Variants in CHM observed in about 807,000 individuals in gnomAD.
The protein encoded by CHM is rab proteins geranylgeranyltransferase component A 1.
CHM carries 10 observed loss-of-function variants against 49.0 expected under a neutral mutation model. That is an observed-to-expected ratio of 0.20 (90% CI 0.13 to 0.35). The LOEUF (loss-of-function observed/expected upper bound fraction) is 0.35. Ranked by LOEUF, CHM falls within the 10% of genes least tolerant of loss-of-function variation. CHM has a pLI of 1.00. For missense variants in CHM, 455 were observed against 478.4 expected (o/e 0.95, Z 0.46); for synonymous variants, 184 against 167.5 (o/e 1.10, Z -0.76).
chrX:85,918,708 A>G (rs975066270), intron 8 of CHM, among the ~76,000 whole-genome samples: 16 of 112,337 alleles, frequency 1.4e-4, no homozygotes, highest in Non-Finnish European at 2.8e-4. Context: ...TTGGAAAAAG[A>G]TTCATCAAGC....
At chrX:85,981,206 C>CTA (rs1284378299) in intron 3 of CHM, among the ~76,000 whole-genome samples, 2 of 54,343 alleles carry the variant, frequency 3.7e-5, no homozygotes, top group East Asian at 4.0e-4. Context: ...ATTTCTATTT[C>CTA]TATATATATA....
At chrX:85,939,201 C>T (rs898088989) in intron 8 of CHM, among the ~76,000 whole-genome samples, 1 of 111,717 alleles carries the variant, frequency 9.0e-6, no homozygotes, top group East Asian at 2.8e-4. Context: ...TATGGAATCA[C>T]CTAATGATGC....
intron 4 of CHM, chrX:85,969,519 A>G (rs1930770195): frequency 2.2e-6 from 1 of 452,384 alleles, no homozygotes; most frequent in Admixed American, 9.1e-5. Flanking sequence ...GCAAATCAGT[A>G]CAGCCATTAT....
intron 5 of CHM, among the ~76,000 whole-genome samples, chrX:85,962,485 G>A (rs941597477): frequency 1.9e-4 from 21 of 112,124 alleles, no homozygotes; most frequent in Middle Eastern, 4.7e-3. Context: ...AAGTTCAAAG[G>A]GAGCAAGAGT....
intron 4 of CHM, among the ~76,000 whole-genome samples, chrX:85,973,300 CAAAAAAAAAAAAAAAA>C (rs58103002): frequency 4.3e-4 from 7 of 16,338 alleles, no homozygotes; most frequent in Admixed American, 4.2e-3. Context: ...TCTGTCTCGA[CAAAAAAAAAAAAAAAA>C]AAAAAAAAAA....
intron 2 of CHM, among the ~76,000 whole-genome samples, chrX:86,002,382 T>C (rs1356440815): frequency 3.6e-5 from 4 of 112,208 alleles, no homozygotes; most frequent in Non-Finnish European, 7.5e-5. Context: ...TACAGCTTCT[T>C]ATTCTTTCAT....
intron 12 of CHM, among the ~76,000 whole-genome samples, chrX:85,884,472 G>A (rs1283034154): frequency 1.8e-5 from 2 of 110,810 alleles, no homozygotes; most frequent in Non-Finnish European, 3.8e-5. Context: ...ACTTGCCTAA[G>A]GTTAGTCAAG....
chrX:85,982,130 CTT>C (rs1262005733), intron 2 of CHM, among the ~76,000 whole-genome samples: 3 of 111,892 alleles, frequency 2.7e-5, no homozygotes, highest in African/African-American at 9.8e-5. Flanking sequence ...ATATATGACT[CTT>C]GGGTTAACAA....
intron 14 of CHM, among the ~76,000 whole-genome samples, chrX:85,871,167 C>G (rs767435593): frequency 9.5e-6 from 1 of 104,742 alleles, no homozygotes; most frequent in Non-Finnish European, 2.0e-5. Flanking sequence ...AAAAAATTAG[C>G]TGGGCGTGGT....
chrX:86,023,365 C>G (rs1482037163), intron 2 of CHM, among the ~76,000 whole-genome samples: 5 of 110,776 alleles, frequency 4.5e-5, no homozygotes, highest in Non-Finnish European at 9.4e-5. Flanking sequence ...AATCTTTGTA[C>G]ATGTTGCTCC....
intron 8 of CHM, among the ~76,000 whole-genome samples, chrX:85,927,959 T>G (rs982142314): frequency 8.0e-5 from 9 of 112,622 alleles, no homozygotes; most frequent in Non-Finnish European, 1.7e-4. Flanking sequence ...TTTATGAGTT[T>G]GTATATAATT....
intron 2 of CHM, among the ~76,000 whole-genome samples, chrX:86,020,371 G>A (rs905388961): frequency 6.4e-5 from 7 of 109,615 alleles, no homozygotes; most frequent in Admixed American, 2.0e-4. Flanking sequence ...TAGAAAATCC[G>A]AAATCTGAAA....
chrX:85,889,136 A>ATGATTTATGTTCATAAATC (rs1925280516), intron 12 of CHM, among the ~76,000 whole-genome samples: 1 of 111,965 alleles, frequency 8.9e-6, no homozygotes, highest in Non-Finnish European at 1.9e-5. Context: ...ATAATTTACA[A>ATGATTTATGTTCATAAATC]AACAATTTAT....
At chrX:85,913,347 A>AGAAAGAAAGAAAGAAAGAAAG (rs1569411184) in intron 8 of CHM, among the ~76,000 whole-genome samples, 15 of 77,964 alleles carry the variant, frequency 1.9e-4, no homozygotes, top group African/African-American at 6.5e-4. Context: ...AAAGAAAGAA[A>AGAAAGAAAGAAAGAAAGAAAG]GAAAGAAAGA....
At chrX:85,998,140 T>TA (rs201337469) in intron 2 of CHM, among the ~76,000 whole-genome samples, 5,662 of 108,794 alleles carry the variant, frequency 0.052, 387 homozygotes, top group African/African-American at 0.18. Context: ...TATTTATTTG[T>TA]AAAAAAAAAA....
intron 2 of CHM, among the ~76,000 whole-genome samples, chrX:86,020,646 G>A (rs926697593): frequency 1.9e-5 from 2 of 104,036 alleles, no homozygotes; most frequent in South Asian, 4.1e-4. Context: ...ATATATCTCC[G>A]ATATATATGA....
intron 13 of CHM, among the ~76,000 whole-genome samples, chrX:85,874,310 A>T (rs1013443402): frequency 8.9e-6 from 1 of 111,777 alleles, no homozygotes; most frequent in South Asian, 3.7e-4. Flanking sequence ...ACATTCATTG[A>T]CTAGAGAGTT....
At chrX:85,955,903 T>C (rs762014105) in intron 8 of CHM, among the ~76,000 whole-genome samples, 1 of 112,145 alleles carries the variant, frequency 8.9e-6, no homozygotes, top group East Asian at 2.8e-4. Context: ...GCAATGACAA[T>C]ACTTTCCATC....
At chrX:85,989,726 T>C (rs1362588150) in intron 2 of CHM, among the ~76,000 whole-genome samples, 1 of 96,758 alleles carries the variant, frequency 1.0e-5, no homozygotes, top group Non-Finnish European at 2.2e-5. Flanking sequence ...ATGTAGTCAA[T>C]AGCATATGGA....
Sources: allele counts gnomAD v4.1 joint callset (sites outside exome capture counted in the v4.1 genomes callset), GRCh38; gene constraint gnomAD v4.1.1; transcripts MANE v1.5; gene names NCBI Gene and HGNC (gene_info 2026-07-23, HGNC 2026-07-21).